MARCHF1: variants seen among roughly 807,000 people sequenced by gnomAD.
MARCHF1 encodes E3 ubiquitin-protein ligase MARCHF1.
MARCHF1 carries 40 observed loss-of-function variants against 54.2 expected under a neutral mutation model. That is an observed-to-expected ratio of 0.74 (90% CI 0.57 to 0.96). MARCHF1 has a LOEUF of 0.96. Among genes scored for constraint, MARCHF1 ranks in the 40% least tolerant of loss-of-function variants. The pLI, the probability that MARCHF1 is intolerant of heterozygous loss-of-function variation, is 0.00. For missense variants in MARCHF1, 586 were observed against 656.5 expected, an observed-to-expected ratio of 0.89 and a Z score of 1.17; for synonymous variants, 236 against 236.3, an observed-to-expected ratio of 1.00 and a Z score of 0.01.
chr4:164,092,541 T>G lies in MARCHF1; in HGVS notation c.-248+19047A>C, dbSNP rs555528462. 4.6e-5 allele frequency among the ~76,000 whole-genome samples: 7 copies of G among 152,250 alleles called. No individual in the cohort carries two copies. In the East Asian group the frequency reaches 1.2e-3, roughly 25 times the overall value. On this transcript the variant is annotated intron_variant, in intron 2 of 9. Coordinates refer to ENST00000514618, the MANE Select transcript of MARCHF1 (RefSeq NM_001394959.1). Reference sequence around the variant, plus strand: ...CTGTCTATTCTATATCCAGAATACTTGGGTCAAGAATACAAGGGTGTAGTG... The same window carrying G: ...CTGTCTATTCTATATCCAGAATACTGGGGTCAAGAATACAAGGGTGTAGTG...
chr4:163,934,551 T>G (rs78708078), intron 3 of MARCHF1, among the ~76,000 whole-genome samples: 2,681 of 124,492 alleles, frequency 0.022, 133 homozygotes, highest in East Asian at 0.21. Context: ...AGAGTAAGAT[T>G]CCATCTCTAA....
intron 4 of MARCHF1, among the ~76,000 whole-genome samples, chr4:163,725,912 T>A (rs1433360365): frequency 2.6e-5 from 4 of 152,260 alleles, no homozygotes; most frequent in Non-Finnish European, 5.9e-5. Context: ...TGACATCTTA[T>A]GATTTCCAAT....
intron 4 of MARCHF1, among the ~76,000 whole-genome samples, chr4:163,717,029 G>A (rs1745283024): frequency 6.6e-6 from 1 of 151,722 alleles, no homozygotes; most frequent in Non-Finnish European, 1.5e-5. Context: ...AAGTTTTAGT[G>A]TACATGTGCA....
At chr4:164,043,622 T>G (rs776005244) in intron 2 of MARCHF1, among the ~76,000 whole-genome samples, 4 of 152,180 alleles carry the variant, frequency 2.6e-5, no homozygotes, top group Non-Finnish European at 4.4e-5. Flanking sequence ...GTCTTGGCTA[T>G]TATCATGTGG....
intron 2 of MARCHF1, among the ~76,000 whole-genome samples, chr4:164,059,876 G>T (rs1302573981): frequency 6.6e-6 from 1 of 152,048 alleles, no homozygotes; most frequent in African/African-American, 2.4e-5. Flanking sequence ...AGATAAAATT[G>T]AGAAAACAAA....
intron 3 of MARCHF1, among the ~76,000 whole-genome samples, chr4:163,926,552 C>T (rs1363598464): frequency 6.6e-6 from 1 of 151,520 alleles, no homozygotes; most frequent in African/African-American, 2.4e-5. Context: ...GTAATTATGT[C>T]TAATCCTTCT....
chr4:163,604,394 A>ATT (rs1470572987), intron 7 of MARCHF1, among the ~76,000 whole-genome samples: 5 of 152,090 alleles, frequency 3.3e-5, no homozygotes, highest in African/African-American at 1.2e-4. Context: ...CTGAAAGCCG[A>ATT]TTATATATAT....
chr4:164,025,646 C>G (rs971275318), intron 2 of MARCHF1, among the ~76,000 whole-genome samples: 2 of 151,152 alleles, frequency 1.3e-5, no homozygotes, highest in Non-Finnish European at 2.9e-5. Flanking sequence ...AACAATCTAA[C>G]TTTGCATGTC....
Position 164,137,050 on chromosome 4 carries a change from A to G in MARCHF1, c.-322-25388T>C, listed in dbSNP as rs546491785. ...AAGGATTGAAAGAAACGAATTGTCT[A>G]AACAATTTGTTCATATCTAAAGGGA... On this transcript the variant is annotated intron_variant, in intron 1 of 9. Transcript: ENST00000514618. 2.3e-3 allele frequency among the ~76,000 whole-genome samples: 345 copies of G among 152,300 alleles called. 2 individuals are homozygous for G. The highest frequency in any genetic ancestry group is 7.9e-3 in the African/African-American group (327 of 41,566).
At chr4:164,378,879 T>C (rs2110981984) in intron 1 of MARCHF1, among the ~76,000 whole-genome samples, 1 of 151,834 alleles carries the variant, frequency 6.6e-6, no homozygotes, top group Non-Finnish European at 1.5e-5. Flanking sequence ...GCCTGGCTAA[T>C]TTTTTGTATT....
intron 1 of MARCHF1, among the ~76,000 whole-genome samples, chr4:164,376,687 C>G (rs1216491399): frequency 6.6e-6 from 1 of 152,160 alleles, no homozygotes; most frequent in Non-Finnish European, 1.5e-5. Context: ...GTGGTGTTAG[C>G]TCCTCCTCAC....
chr4:163,717,650 C>T (rs1438532254), intron 4 of MARCHF1, among the ~76,000 whole-genome samples: 2 of 152,170 alleles, frequency 1.3e-5, no homozygotes, highest in African/African-American at 4.8e-5. Context: ...ACATCCTCTC[C>T]AGCACCTGTT....
chr4:163,975,499 T>C (rs1752633111), intron 3 of MARCHF1, among the ~76,000 whole-genome samples: 1 of 152,136 alleles, frequency 6.6e-6, no homozygotes, highest in Admixed American at 6.6e-5. Context: ...GTAGAAGTGT[T>C]TACCTTCCTC....
intron 2 of MARCHF1, among the ~76,000 whole-genome samples, chr4:164,033,253 A>G (rs572363932): frequency 6.6e-6 from 1 of 152,176 alleles, no homozygotes; most frequent in East Asian, 1.9e-4. Context: ...CCCCTTCCCT[A>G]TACCTTATAC....
chr4:164,288,789 C>T (rs1182549312), intron 1 of MARCHF1, among the ~76,000 whole-genome samples: 5 of 151,962 alleles, frequency 3.3e-5, no homozygotes, highest in Non-Finnish European at 5.9e-5. Flanking sequence ...TTTTGAAACA[C>T]GGGGAAAAAA....
At chr4:164,288,597 T>C (rs914281340) in intron 1 of MARCHF1, among the ~76,000 whole-genome samples, 13 of 151,778 alleles carry the variant, frequency 8.6e-5, no homozygotes, top group African/African-American at 3.1e-4. Flanking sequence ...ATGGGAAAAA[T>C]AGAAAGTCAT....
At position 164,213,071 on chromosome 4, in the gene MARCHF1, TTA is replaced by T. The variant is rs573433202; in HGVS notation, c.-322-101411_-322-101410del. Among the ~76,000 whole-genome samples, 234 of 152,072 alleles carry T rather than the reference TTA, an allele frequency of 1.5e-3. 1 individual carries two copies. The highest frequency in any genetic ancestry group is 5.3e-3 in the African/African-American group (219 of 41,426). ...CTGCATATATATTACTGCATATATA[TTA>T]TATATGTGTGTGTGTGTGCTTATGT... On this transcript the variant is annotated intron_variant, in intron 1 of 9. Transcript: ENST00000514618.
chr4:164,278,656 T>C (rs554855559), intron 1 of MARCHF1, among the ~76,000 whole-genome samples: 3 of 152,184 alleles, frequency 2.0e-5, no homozygotes, highest in African/African-American at 7.2e-5. Context: ...TGAAATAAAA[T>C]GTATCTGAGT....
At chr4:164,372,029 G>A (rs1427485852) in intron 1 of MARCHF1, among the ~76,000 whole-genome samples, 1 of 152,172 alleles carries the variant, frequency 6.6e-6, no homozygotes, top group East Asian at 1.9e-4. Context: ...TGCCAGTGAT[G>A]GCGCCACGGC....
Sources: allele counts gnomAD v4.1 joint callset (sites outside exome capture counted in the v4.1 genomes callset), GRCh38; gene constraint gnomAD v4.1.1; transcripts MANE v1.5; gene names NCBI Gene and HGNC (gene_info 2026-07-23, HGNC 2026-07-21).